Variants in LINGO2 observed in about 807,000 individuals in gnomAD.
LINGO2 encodes the protein leucine-rich repeat and immunoglobulin-like domain-containing nogo receptor-interacting protein 2.
In LINGO2, 14 loss-of-function variants were observed where a neutral mutation model predicts 30.6. That is an observed-to-expected ratio of 0.46 (90% confidence interval 0.30 to 0.72). The LOEUF (loss-of-function observed/expected upper bound fraction) is 0.72. Among genes scored for constraint, LINGO2 ranks in the 30% least tolerant of loss-of-function variants. The probability of loss-of-function intolerance (pLI) is 0.07; values close to 1 mark genes in which losing one functional copy is unlikely to be tolerated. For missense variants in LINGO2, 729 were observed against 751.7 expected (o/e 0.97, Z 0.35); for synonymous variants, 317 against 288.5 (o/e 1.10, Z -1.00).
intron 1 of LINGO2, among the ~76,000 whole-genome samples, chr9:28,621,459 A>G (rs1040831813): frequency 6.6e-6 from 1 of 151,784 alleles, no homozygotes; most frequent in African/African-American, 2.4e-5. Context: ...TAGTCCTGAA[A>G]GCAGAATACC....
rs555964804 is a variant in LINGO2 at position 27,992,894 on chromosome 9, T to G, written c.-36+19461A>C. ...AGGATACTGACAGACTTTCTATACA[T>G]AGACACATGAAACTGATGTGCAGAC... On this transcript the variant is annotated intron_variant, in intron 5 of 5. Transcript: ENST00000379992. 7.2e-5 allele frequency among the ~76,000 whole-genome samples: 11 copies of G among 152,222 alleles called. No homozygotes were observed. In the East Asian group the frequency reaches 2.1e-3, roughly 29 times the overall value.
chr9:28,152,823 T>C (rs1242019803), intron 4 of LINGO2, among the ~76,000 whole-genome samples: 1 of 152,106 alleles, frequency 6.6e-6, no homozygotes, highest in Non-Finnish European at 1.5e-5. Flanking sequence ...GCTTGAAACA[T>C]GACAACATGT....
At chr9:28,780,828 TAATGTGTG>T in the LINGO2 span, among the ~76,000 whole-genome samples, 287 of 139,442 alleles carry the variant, frequency 2.1e-3, 1 homozygote, top group South Asian at 5.6e-3. Flanking sequence ...ATCTTGGTAG[TAATGTGTG>T]TGTGTGTGTG....
intron 4 of LINGO2, among the ~76,000 whole-genome samples, chr9:28,029,427 GA>G (rs1485742510): frequency 6.6e-6 from 1 of 152,174 alleles, no homozygotes; most frequent in African/African-American, 2.4e-5. Context: ...TCGGTTAACA[GA>G]AAGGAGAACG....
At chr9:28,052,171 C>T in intron 4 of LINGO2, among the ~76,000 whole-genome samples, 1 of 152,000 alleles carries the variant, frequency 6.6e-6, no homozygotes, top group East Asian at 1.9e-4. Flanking sequence ...GTGAATTCAA[C>T]AAAATTATGG....
At chr9:28,610,526 C>T (rs1348414970) in intron 1 of LINGO2, among the ~76,000 whole-genome samples, 2 of 152,058 alleles carry the variant, frequency 1.3e-5, no homozygotes, top group Non-Finnish European at 2.9e-5. Context: ...TATGAAAGGG[C>T]TAGAAAAAAC....
intron 5 of LINGO2, among the ~76,000 whole-genome samples, chr9:27,989,311 T>C (rs1020576110): frequency 2.6e-5 from 4 of 151,960 alleles, no homozygotes; most frequent in Non-Finnish European, 4.4e-5. Flanking sequence ...TTGTTCATTT[T>C]TGATTGCCTA....
At chr9:28,632,874 A>AGG (rs1827057437) in intron 1 of LINGO2, among the ~76,000 whole-genome samples, 1 of 93,058 alleles carries the variant, frequency 1.1e-5, no homozygotes, top group African/African-American at 4.4e-5. Flanking sequence ...ATATATATAT[A>AGG]TATATGTAGA....
At chr9:28,645,128 C>G (rs1029908894) in intron 1 of LINGO2, among the ~76,000 whole-genome samples, 1 of 152,032 alleles carries the variant, frequency 6.6e-6, no homozygotes, top group African/African-American at 2.4e-5. Context: ...GTTCTAAAAT[C>G]CAGCTTCTAG....
At chr9:27,997,657 T>C (rs1403688702) in intron 5 of LINGO2, among the ~76,000 whole-genome samples, 1 of 152,272 alleles carries the variant, frequency 6.6e-6, no homozygotes, top group East Asian at 1.9e-4. Context: ...GTTTGCACTC[T>C]GTATCAGGCT....
chr9:28,657,724 C>T (rs1045470298), intron 1 of LINGO2, among the ~76,000 whole-genome samples: 1 of 151,862 alleles, frequency 6.6e-6, no homozygotes, highest in Non-Finnish European at 1.5e-5. Flanking sequence ...TTGAATTTCT[C>T]TATTGTTTTT....
chr9:28,892,443 C>T, the LINGO2 span, among the ~76,000 whole-genome samples: 1 of 151,962 alleles, frequency 6.6e-6, no homozygotes, highest in African/African-American at 2.4e-5. Flanking sequence ...ACTTTTCATG[C>T]TTATTCTTGA....
chr9:28,971,701 A>G, the LINGO2 span, among the ~76,000 whole-genome samples: 1 of 152,238 alleles, frequency 6.6e-6, no homozygotes, highest in Non-Finnish European at 1.5e-5. Flanking sequence ...CTCTGGACTA[A>G]CCAGGGGCCT....
the LINGO2 span, among the ~76,000 whole-genome samples, chr9:28,787,818 A>C: frequency 2.0e-5 from 3 of 152,172 alleles, no homozygotes; most frequent in Non-Finnish European, 2.9e-5. Flanking sequence ...AATAAAAATA[A>C]CACTTCTAAT....
chr9:28,879,419 A>T, the LINGO2 span, among the ~76,000 whole-genome samples: 1 of 152,186 alleles, frequency 6.6e-6, no homozygotes, highest in African/African-American at 2.4e-5. Flanking sequence ...TTCAATAGTG[A>T]TAATAAGAAA....
chr9:28,891,924 T>C, the LINGO2 span, among the ~76,000 whole-genome samples: 1 of 151,248 alleles, frequency 6.6e-6, no homozygotes, highest in African/African-American at 2.4e-5. Context: ...TATTTTAAGA[T>C]ACTTTTTTTA....
the LINGO2 span, among the ~76,000 whole-genome samples, chr9:29,209,256 G>A: frequency 9.9e-5 from 15 of 152,096 alleles, no homozygotes; most frequent in Non-Finnish European, 1.6e-4. Flanking sequence ...GAAAGGCAGT[G>A]AAGTTGCAGC....
chr9:28,204,391 C>T (rs1007181436), intron 4 of LINGO2, among the ~76,000 whole-genome samples: 9 of 152,192 alleles, frequency 5.9e-5, no homozygotes, highest in Middle Eastern at 3.2e-3. Context: ...AGGACCTACT[C>T]ACACACATTC....
At chr9:28,692,927 G>T in the LINGO2 span, among the ~76,000 whole-genome samples, 1 of 152,080 alleles carries the variant, frequency 6.6e-6, no homozygotes. Context: ...TAGAGGAAAA[G>T]ACTACTTGCT....
Sources: allele counts gnomAD v4.1 joint callset (sites outside exome capture counted in the v4.1 genomes callset), GRCh38; gene constraint gnomAD v4.1.1; transcripts MANE v1.5; gene names NCBI Gene and HGNC (gene_info 2026-07-23, HGNC 2026-07-21).